Variants in TP53I11 observed in about 807,000 individuals in gnomAD.
The protein encoded by TP53I11 is tumor protein p53 inducible protein 11, also known as tumor protein p53-inducible protein 11.
TP53I11 carries 9 observed loss-of-function variants against 23.3 expected under a neutral mutation model. That is an observed-to-expected ratio of 0.39 (90% CI 0.23 to 0.67). TP53I11 has a LOEUF of 0.67. Ranked by LOEUF, TP53I11 falls within the 30% of genes least tolerant of loss-of-function variation. TP53I11 has a pLI of 0.48. For missense variants in TP53I11, 170 were observed against 255.2 expected (o/e 0.67, Z 2.27); for synonymous variants, 100 against 106.1 (o/e 0.94, Z 0.35).
chr11:44,935,353 G>GCCT (rs1208058762), intron 6 of TP53I11, among the ~76,000 whole-genome samples: 1 of 152,200 alleles, frequency 6.6e-6, no homozygotes, highest in Non-Finnish European at 1.5e-5. Flanking sequence ...GTGGATTTGG[G>GCCT]AAGCTACAGG....
rs541465572 is a variant in TP53I11, at chr11:44,936,241, A to G, written c.334+562T>C. 84 of 1,048,858 alleles carry G rather than the reference A, an allele frequency of 8.0e-5. 1 individual carries two copies. In the African/African-American group the frequency reaches 1.3e-3, roughly 16 times the overall value. 65.0% of individuals were successfully genotyped at this position (1,048,858 alleles called of 1,614,324 possible). ...ACTGGGTGTGCATTTATTTTATTCC[A>G]GCAACCCTAACTCCAGAGGAGCTCA... On this transcript the variant is annotated intron_variant, in intron 5 of 6. Coordinates refer to ENST00000525680, the MANE Select transcript of TP53I11 (RefSeq NM_006034.5). This position sits in a 1 kb window ranked among gnomAD's most constrained non-coding sequence, Gnocchi z 4.4.
At chr11:44,943,928 G>A (rs766925374) in intron 1 of TP53I11, among the ~76,000 whole-genome samples, 9 of 152,210 alleles carry the variant, frequency 5.9e-5, no homozygotes, top group Non-Finnish European at 1.2e-4. Flanking sequence ...CAGGTTAGAC[G>A]TGGCGGGCTG....
In TP53I11 at chr11:44,937,570, T is replaced by A. The variant is rs1270083041; in HGVS notation, c.173A>T (p.Glu58Val). 3.7e-6 allele frequency: 6 copies of A among 1,613,646 alleles called. No individual in the cohort carries two copies. The highest frequency in any genetic ancestry group is 5.1e-6 in the Non-Finnish European group (6 of 1,179,928). Reference protein sequence around the residue: ...LGNEIKFTIREPLGLRVWQFV... With the variant: ...LGNEIKFTIRVPLGLRVWQFV... The stretch of plus-strand genomic sequence containing the variant: ...AAATGCTCACCTGAGCCCCAAAGGC[T>A]CCCGAATGGTAAACTTGATTTCATT... The change falls in exon 3 of 7, where the codon GAG becomes GTG. Residue 58 changes from glutamate to valine, a missense_variant. Coordinates refer to ENST00000525680, the MANE Select transcript of TP53I11 (RefSeq NM_006034.5).
In TP53I11 at chr11:44,935,023, G is replaced by C; in HGVS notation, c.437-6C>G. 1 of 1,613,378 alleles carries C rather than the reference G, an allele frequency of 6.2e-7. No individual in the cohort carries two copies. The highest frequency in any genetic ancestry group is 8.5e-7 in the Non-Finnish European group (1 of 1,179,956). ...AGCTAGCGTGGCAGTGACCACTGTG[G>C]GAGAGAGTCCAGCAAGGCCACAGGG... On this transcript the variant is annotated splice_polypyrimidine_tract_variant and splice_region_variant and intron_variant, in intron 6 of 6. Transcript: ENST00000525680.
rs1184065634 is a variant in TP53I11, at chr11:44,950,692, C to G, written c.-47G>C. On this transcript the variant is annotated 5_prime_UTR_variant, in exon 1 of 7. Coordinates refer to ENST00000525680, the MANE Select transcript of TP53I11 (RefSeq NM_006034.5). ...CAGAACTTACGGGCCTCGCGCGTGC[C>G]GGCGCTGGGCTACGTGGAGCTGATG... is the stretch of plus-strand genomic sequence containing the variant. 2 of 152,108 alleles carry G rather than the reference C, an allele frequency of 1.3e-5. No homozygotes were observed. The highest frequency in any genetic ancestry group is 4.8e-5 in the African/African-American group (2 of 41,396). The allele number at this position is 152,108 out of a possible 1,614,324, so 9.4% of individuals were successfully genotyped here.
chr11:44,933,646 G>GTA lies in TP53I11; in HGVS notation c.*1237_*1238insTA. On this transcript the variant is annotated 3_prime_UTR_variant, in exon 7 of 7. Transcript: ENST00000525680. ...CAGCACAGGCTGGTGGGCCCTCAGA[G>GTA]GCAGGGCAGGGGCTGTTCGGCCCCA... is the stretch of plus-strand genomic sequence containing the variant. The GTA allele has an allele frequency of 6.5e-6, 1 of 154,504 alleles. No homozygotes were observed. Among genetic ancestry groups the GTA allele is most frequent in the Non-Finnish European group, 1.4e-5 (1 of 69,364 alleles). The allele number at this position is 154,504 out of a possible 1,614,324, so 9.6% of individuals were successfully genotyped here.
chr11:44,949,178 CTT>C (rs1862681485), intron 1 of TP53I11, among the ~76,000 whole-genome samples: 2 of 152,182 alleles, frequency 1.3e-5, no homozygotes, highest in South Asian at 4.1e-4. Flanking sequence ...CAAGAAAAAT[CTT>C]TTCTCTCCTT....
intron 4 of TP53I11, 98 bp downstream of exon 4, chr11:44,937,206 A>G: frequency 2.1e-6 from 3 of 1,434,116 alleles, no homozygotes. Context: ...GGGCCCCTGC[A>G]CGAGGGGCCA....
At chr11:44,947,337 CT>C (rs1228254275) in intron 1 of TP53I11, 1 of 352,768 alleles carries the variant, frequency 2.8e-6, no homozygotes, top group East Asian at 7.4e-5. Flanking sequence ...GACAGCCTGA[CT>C]TCCAGATCCT....
At chr11:44,937,961 A>T (rs1861342660) in intron 2 of TP53I11, among the ~76,000 whole-genome samples, 1 of 152,210 alleles carries the variant, frequency 6.6e-6, no homozygotes, top group African/African-American at 2.4e-5. Flanking sequence ...GAATGATTTT[A>T]CAGTATCTGC....
rs1293858663 is a variant in TP53I11, at chr11:44,934,988, G to T, written c.466C>A (p.Leu156Ile). The T allele has an allele frequency of 6.2e-7, 1 of 1,613,878 alleles. No homozygotes were observed. Among genetic ancestry groups the T allele is most frequent in the East Asian group, 2.2e-5 (1 of 44,898 alleles). ...AGCAGCAGGATCCCCAGGGACATGA[G>T]GCCCGTCTCAGCTAGCGTGGCAGTG... ...VVTATLAETG[L>I]MSLGILLLLV... Residue 156 changes from leucine (L) to isoleucine (I), a missense_variant, in exon 7 of 7, where the codon CTC becomes ATC. Coordinates refer to ENST00000525680, the MANE Select transcript of TP53I11 (RefSeq NM_006034.5).
In TP53I11 at chr11:44,935,119, T is replaced by C. The variant is rs79100662; in HGVS notation, c.437-102A>G. The C allele has an allele frequency of 8.2e-3, 12,676 of 1,546,232 alleles. 866 individuals are homozygous for C. In the African/African-American group the frequency reaches 0.15, roughly 18 times the overall value. ...GCTGGTGTGGCCGTCTCCCTGACTTTGCTCTGAGCCCAGGATCCTCCCAGG... is the reference window on the plus strand; with the variant it reads ...GCTGGTGTGGCCGTCTCCCTGACTTCGCTCTGAGCCCAGGATCCTCCCAGG... On this transcript the variant is annotated intron_variant, in intron 6 of 6. Coordinates refer to ENST00000525680, the MANE Select transcript of TP53I11 (RefSeq NM_006034.5).
At chr11:44,937,742 C>A (rs1861316990) in intron 2 of TP53I11, 129 bp from the exon 3 acceptor site, 2 of 925,918 alleles carry the variant, frequency 2.2e-6, no homozygotes, top group South Asian at 1.6e-5. Flanking sequence ...AAGGTTCCCC[C>A]AGGTGGGGAG....
intron 1 of TP53I11, among the ~76,000 whole-genome samples, chr11:44,942,886 A>C (rs1370147455): frequency 6.6e-6 from 1 of 152,012 alleles, no homozygotes; most frequent in African/African-American, 2.4e-5. Flanking sequence ...CACCTGCCCC[A>C]CTGGCGAGGC....
intron 1 of TP53I11, among the ~76,000 whole-genome samples, chr11:44,948,290 T>G (rs913297887): frequency 6.6e-6 from 1 of 152,094 alleles, no homozygotes; most frequent in South Asian, 2.1e-4. Flanking sequence ...GAGGAATTCA[T>G]CCCTTCTCAG....
chr11:44,935,690 G>T, intron 5 of TP53I11, 28 bp from the exon 6 acceptor site: 2 of 1,356,220 alleles, frequency 1.5e-6, no homozygotes, highest in South Asian at 1.2e-5. Context: ...AAGGGGGCTG[G>T]GGGTGGGACA....
At chr11:44,948,488 C>T (rs541889376) in intron 1 of TP53I11, among the ~76,000 whole-genome samples, 8 of 152,270 alleles carry the variant, frequency 5.3e-5, no homozygotes, top group African/African-American at 1.9e-4. Flanking sequence ...AATGACAACC[C>T]GGTCCCTGGC....
At position 44,950,843 on chromosome 11, in the gene TP53I11, ACTGCGCGCGGCGCC is replaced by A. The variant is rs1862901486; in HGVS notation, c.-212_-199del. 6.6e-6 allele frequency: 1 copy of A among 151,840 alleles called. No homozygotes were observed. Among genetic ancestry groups the A allele is most frequent in the Admixed American group, 6.6e-5 (1 of 15,184 alleles). The allele number at this position is 151,840 out of a possible 1,614,324, so 9.4% of individuals were successfully genotyped here. A position where few individuals can be genotyped will look rare whatever the true frequency, so the allele number is the denominator to read the frequency against. ...GGCAGGGCAGGGCCGGGCCGGCTGG[ACTGCGCGCGGCGCC>A]CTGCGCGGCCGGGGCTTACCGAGTC... On this transcript the variant is annotated 5_prime_UTR_variant, in exon 1 of 7. Coordinates refer to ENST00000525680, the MANE Select transcript of TP53I11 (RefSeq NM_006034.5).
At chr11:44,949,163 C>T (rs1009524029) in intron 1 of TP53I11, among the ~76,000 whole-genome samples, 1 of 152,210 alleles carries the variant, frequency 6.6e-6, no homozygotes, top group Non-Finnish European at 1.5e-5. Context: ...TTCCTAACAA[C>T]CCAACAAGAA....
Sources: gnomAD v4.1 joint callset for allele counts (sites outside exome capture counted in the v4.1 genomes callset) on GRCh38, gnomAD v4.1.1 for gene constraint, Gnocchi (gnomAD v3.1) non-coding constraint, MANE v1.5 for transcripts, NCBI Gene and HGNC (gene_info 2026-07-23, HGNC 2026-07-21) for gene names.